SMYD3: variants seen among roughly 807,000 people sequenced by gnomAD.
The protein encoded by SMYD3 is SET and MYND domain containing 3, also known as histone-lysine N-methyltransferase SMYD3.
A neutral mutation model predicts 57.7 loss-of-function variants in SMYD3; 36 were observed. That is an observed-to-expected ratio of 0.62 (90% CI 0.48 to 0.82). SMYD3 has a LOEUF of 0.82. SMYD3 is among the 40% of genes least tolerant of loss of function. The pLI is 0.00. For missense variants in SMYD3, 515 were observed against 538.8 expected (o/e 0.96, Z 0.44); for synonymous variants, 211 against 195.0 (o/e 1.08, Z -0.68).
intron 5 of SMYD3, among the ~76,000 whole-genome samples, chr1:246,083,764 C>G (rs538311467): frequency 2.6e-5 from 4 of 152,176 alleles, no homozygotes; most frequent in Non-Finnish European, 4.4e-5. Flanking sequence ...AACTATGAGC[C>G]CTTTCCCTTA....
rs1460881739 is a variant in SMYD3, at chr1:245,774,702, T to TCC, written c.1077-10555_1077-10554dup. On this transcript the variant is annotated intron_variant, in intron 10 of 11. Coordinates refer to ENST00000490107, the MANE Select transcript of SMYD3 (RefSeq NM_001167740.2). ...CTTTCCCACGGTCTCCCTCTCCCTC[T>TCC]CCACGGTCTCCCTCTCCCTCTCTTT... is the stretch of plus-strand genomic sequence containing the variant. Among the ~76,000 whole-genome samples, 8 of 124,468 alleles carry TCC rather than the reference T, an allele frequency of 6.4e-5. No homozygotes were observed. In the East Asian group the frequency reaches 1.6e-3, roughly 25 times the overall value. The allele number at this position is 124,468 out of a possible 152,430, so 81.7% of individuals were successfully genotyped here.
At position 246,167,364 on chromosome 1, in the gene SMYD3, C is replaced by T. The variant is rs143661837; in HGVS notation, c.531+159837G>A. On this transcript the variant is annotated intron_variant, in intron 5 of 11. Transcript: ENST00000490107. ...AGTGGATTCCACAGTGGCTACCACA[C>T]TGTACATTCCTATCAGCAATGTACA... Among the ~76,000 whole-genome samples, 247 of 152,304 alleles carry T rather than the reference C, an allele frequency of 1.6e-3. 1 individual carries two copies. Among genetic ancestry groups the T allele is most frequent in the African/African-American group, 5.5e-3 (229 of 41,562 alleles).
chr1:246,448,503 C>G (rs2067580045), intron 1 of SMYD3, among the ~76,000 whole-genome samples: 1 of 151,980 alleles, frequency 6.6e-6, no homozygotes, highest in South Asian at 2.1e-4. Context: ...AAGGCCAGAT[C>G]GTAGGTAACT....
chr1:246,365,474 AAC>A (rs1422200941), intron 1 of SMYD3, among the ~76,000 whole-genome samples: 1 of 142,094 alleles, frequency 7.0e-6, no homozygotes, highest in Non-Finnish European at 1.5e-5. Context: ...CAGCCTGAGC[AAC>A]AGAGTGAGAC....
chr1:246,233,954 A>T (rs1400151185), intron 5 of SMYD3, among the ~76,000 whole-genome samples: 2 of 136,396 alleles, frequency 1.5e-5, no homozygotes, highest in Non-Finnish European at 3.1e-5. Flanking sequence ...ATGAACATAT[A>T]CCACACAGAG....
intron 8 of SMYD3, among the ~76,000 whole-genome samples, chr1:245,897,544 G>C (rs1010743184): frequency 6.6e-6 from 1 of 152,170 alleles, no homozygotes; most frequent in African/African-American, 2.4e-5. Context: ...AACCATCAAA[G>C]AGATATGATC....
chr1:246,374,932 A>C lies in SMYD3; in HGVS notation c.165-19838T>G, dbSNP rs150999828. On this transcript the variant is annotated intron_variant, in intron 1 of 11. Transcript: ENST00000490107. ...ACATGGTGAAACCTCATCTCTACTAAAAATACAAAAATCAGCAGGGCATGG... is the reference window on the plus strand; with the variant it reads ...ACATGGTGAAACCTCATCTCTACTACAAATACAAAAATCAGCAGGGCATGG... Among the ~76,000 whole-genome samples the C allele has an allele frequency of 2.0e-3, 303 of 152,202 alleles. 2 individuals are homozygous for C. Among genetic ancestry groups the C allele is most frequent in the African/African-American group, 7.0e-3 (289 of 41,514 alleles).
intron 8 of SMYD3, among the ~76,000 whole-genome samples, chr1:245,871,399 G>A (rs568769769): frequency 5.9e-5 from 9 of 152,142 alleles, no homozygotes; most frequent in African/African-American, 1.9e-4. Context: ...GTAACTTGAG[G>A]GGAAAAGTGG....
At chr1:245,865,871 AAGGGTAAGCACTCT>A (rs2148499710) in intron 8 of SMYD3, among the ~76,000 whole-genome samples, 1 of 152,332 alleles carries the variant, frequency 6.6e-6, no homozygotes, top group African/African-American at 2.4e-5. Flanking sequence ...TGGCTAGTCA[AAGGGTAAGCACTCT>A]TAGAAGACAC....
chr1:245,815,711 T>A (rs78759758), intron 10 of SMYD3, among the ~76,000 whole-genome samples: 7,256 of 152,300 alleles, frequency 0.048, 586 homozygotes, highest in African/African-American at 0.16. Context: ...GATATGTCTT[T>A]AACACTTTAC....
chr1:246,363,257 T>C (rs1474787944), intron 1 of SMYD3, among the ~76,000 whole-genome samples: 1,969 of 65,652 alleles, frequency 0.03, 1 homozygote, highest in Middle Eastern at 0.12. Context: ...AGGTGGGGGT[T>C]AGCCCCCGCC....
intron 5 of SMYD3, among the ~76,000 whole-genome samples, chr1:246,088,228 A>ACT (rs548985101): frequency 7.3e-5 from 11 of 150,168 alleles, no homozygotes; most frequent in African/African-American, 1.7e-4. Context: ...ACACACACAC[A>ACT]CTCTCTCTCT....
chr1:246,382,291 G>A (rs980774008), intron 1 of SMYD3, among the ~76,000 whole-genome samples: 11 of 152,046 alleles, frequency 7.2e-5, no homozygotes, highest in Non-Finnish European at 2.9e-5. Flanking sequence ...GCCCAGTCCA[G>A]CCCCATGTCA....
intron 1 of SMYD3, among the ~76,000 whole-genome samples, chr1:246,362,497 C>T (rs1027049901): frequency 6.6e-6 from 1 of 150,538 alleles, no homozygotes. Flanking sequence ...TCCACGGTCT[C>T]CCTCTGATGC....
At chr1:245,799,619 T>C (rs1420228506) in intron 10 of SMYD3, among the ~76,000 whole-genome samples, 1 of 152,254 alleles carries the variant, frequency 6.6e-6, no homozygotes, top group Non-Finnish European at 1.5e-5. Flanking sequence ...GTAACGAATG[T>C]TAGTCATGTG....
At chr1:246,137,337 C>A (rs555724854) in intron 5 of SMYD3, among the ~76,000 whole-genome samples, 1 of 152,228 alleles carries the variant, frequency 6.6e-6, no homozygotes, top group African/African-American at 2.4e-5. Flanking sequence ...TTATGTATCT[C>A]CCCAAAGTGC....
rs368948023 is a variant in SMYD3 at position 246,163,688 on chromosome 1, A to C, written c.531+163513T>G. Among the ~76,000 whole-genome samples the C allele has an allele frequency of 3.2e-4, 48 of 152,372 alleles. No individual in the cohort carries two copies. The East Asian group carries it at 8.1e-3, about 26-fold the overall frequency. ...TTTAAAAGAGCATGTAAGCATCTTG[A>C]GAAATAAATTTAGCTACTGTCACTT... On this transcript the variant is annotated intron_variant, in intron 5 of 11. Coordinates refer to ENST00000490107, the MANE Select transcript of SMYD3 (RefSeq NM_001167740.2).
At chr1:246,378,797 T>TTTTATATATTATATATAATATA (rs2066333046) in intron 1 of SMYD3, among the ~76,000 whole-genome samples, 1 of 103,844 alleles carries the variant, frequency 9.6e-6, no homozygotes, top group Non-Finnish European at 1.8e-5. Context: ...AATATATTAT[T>TTTTATATATTATATATAATATA]TTTATATATT....
intron 5 of SMYD3, among the ~76,000 whole-genome samples, chr1:245,991,551 C>T (rs776585365): frequency 6.6e-5 from 10 of 152,330 alleles, no homozygotes; most frequent in Non-Finnish European, 1.0e-4. Flanking sequence ...CAAAGATGGA[C>T]AAAGGCTGGG....
Sources: gnomAD v4.1 joint callset for allele counts (sites outside exome capture counted in the v4.1 genomes callset) on GRCh38, gnomAD v4.1.1 for gene constraint, MANE v1.5 for transcripts, NCBI Gene and HGNC (gene_info 2026-07-23, HGNC 2026-07-21) for gene names.